The following HIVEP3 variants were observed in gnomAD, a reference collection of about 807,000 sequenced individuals.
HIVEP3 encodes the protein transcription factor HIVEP3.
A neutral mutation model predicts 152.8 loss-of-function variants in HIVEP3; 49 were observed. The observed-to-expected ratio is 0.32, with a 90% CI of 0.26 to 0.41. The LOEUF is 0.41. HIVEP3 is among the 10% of genes least tolerant of loss of function. The pLI, the probability that HIVEP3 is intolerant of heterozygous loss-of-function variation, is 1.00. For synonymous variants in HIVEP3, 1,269 were observed against 1,289.0 expected (o/e 0.98, Z 0.33); for missense variants, 2,790 against 3,103.3 (o/e 0.90, Z 2.40).
chr1:41,737,973 T>C (rs535479393), intron 1 of HIVEP3, among the ~76,000 whole-genome samples: 1 of 152,352 alleles, frequency 6.6e-6, no homozygotes, highest in African/African-American at 2.4e-5. Flanking sequence ...TCTGTGTCAC[T>C]GAAATTCTGA....
chr1:41,585,639 A>C (rs1644493491), intron 3 of HIVEP3, among the ~76,000 whole-genome samples: 1 of 152,186 alleles, frequency 6.6e-6, no homozygotes, highest in South Asian at 2.1e-4. Context: ...TTAGGGACAG[A>C]GGCCTGGGCT....
At chr1:41,529,705 T>C (rs1175521344) in intron 5 of HIVEP3, among the ~76,000 whole-genome samples, 1 of 126,198 alleles carries the variant, frequency 7.9e-6, no homozygotes, top group South Asian at 2.8e-4. Context: ...TGAATACTCA[T>C]ATACCCCATA....
chr1:41,614,361 G>A (rs1644938256), intron 3 of HIVEP3, among the ~76,000 whole-genome samples: 1 of 152,170 alleles, frequency 6.6e-6, no homozygotes, highest in Non-Finnish European at 1.5e-5. Flanking sequence ...CTCAACAGAG[G>A]GTGCAAGTCC....
At chr1:41,994,942 C>T (rs1645387022) in intron 1 of HIVEP3, among the ~76,000 whole-genome samples, 1 of 151,722 alleles carries the variant, frequency 6.6e-6, no homozygotes, top group African/African-American at 2.4e-5. Context: ...AGAGATTACA[C>T]ATTATTAGAG....
chr1:41,874,339 C>T (rs1047021662), intron 1 of HIVEP3, among the ~76,000 whole-genome samples: 2 of 152,152 alleles, frequency 1.3e-5, no homozygotes, highest in African/African-American at 2.4e-5. Flanking sequence ...GAAGATTGCC[C>T]ACTGATTTCC....
intron 1 of HIVEP3, among the ~76,000 whole-genome samples, chr1:41,994,560 C>T (rs1217831960): frequency 1.3e-5 from 2 of 152,130 alleles, no homozygotes; most frequent in South Asian, 2.1e-4. Context: ...TCCCCCATCA[C>T]TCTCTCTATC....
chr1:41,600,129 C>T (rs560316299), intron 3 of HIVEP3, among the ~76,000 whole-genome samples: 1 of 152,248 alleles, frequency 6.6e-6, no homozygotes, highest in South Asian at 2.1e-4. Flanking sequence ...GAATGTAAAA[C>T]GGTGCAGCCT....
intron 1 of HIVEP3, among the ~76,000 whole-genome samples, chr1:42,016,657 A>G (rs1645524841): frequency 6.6e-6 from 1 of 152,138 alleles, no homozygotes; most frequent in South Asian, 2.1e-4. Context: ...TTTAAATGAG[A>G]TCACACTACA....
At chr1:41,676,253 T>C (rs1183356651) in intron 2 of HIVEP3, among the ~76,000 whole-genome samples, 3 of 152,164 alleles carry the variant, frequency 2.0e-5, no homozygotes, top group African/African-American at 4.8e-5. Context: ...GGTTTCACCA[T>C]GGTGGCCAGG....
chr1:41,599,883 C>T (rs182600093), intron 3 of HIVEP3, among the ~76,000 whole-genome samples: 4 of 152,106 alleles, frequency 2.6e-5, no homozygotes, highest in Non-Finnish European at 4.4e-5. Context: ...CCAAGCAAAA[C>T]GATTTTTAAA....
chr1:41,544,748 T>TACCACCTCTACCACCTCTACCACCACG (rs1558045852), intron 5 of HIVEP3, among the ~76,000 whole-genome samples: 1 of 85,128 alleles, frequency 1.2e-5, no homozygotes, highest in Non-Finnish European at 2.4e-5. Context: ...TCACCACCAC[T>TACCACCTCTACCACCTCTACCACCACG]ACCACCACCA....
At chr1:42,026,147 C>T (rs1020435899) in intron 1 of HIVEP3, among the ~76,000 whole-genome samples, 12 of 152,018 alleles carry the variant, frequency 7.9e-5, no homozygotes, top group Admixed American at 7.9e-4. Context: ...TCTTACCCTG[C>T]TCAGTACCAG....
At chr1:41,621,676 C>T (rs1645049510) in intron 3 of HIVEP3, among the ~76,000 whole-genome samples, 1 of 152,208 alleles carries the variant, frequency 6.6e-6, no homozygotes. Context: ...CCACATCTGG[C>T]TAAATTTTTT....
At chr1:41,809,835 C>T (rs939641660) in intron 1 of HIVEP3, among the ~76,000 whole-genome samples, 7 of 152,170 alleles carry the variant, frequency 4.6e-5, no homozygotes, top group East Asian at 1.9e-4. Context: ...GGGGAAGGTC[C>T]CTGAGAATAA....
intron 1 of HIVEP3, among the ~76,000 whole-genome samples, chr1:42,000,378 T>G (rs1192405309): frequency 6.6e-6 from 1 of 151,950 alleles, no homozygotes; most frequent in Non-Finnish European, 1.5e-5. Context: ...CCACTGTAAA[T>G]GGAGGAATGT....
intron 1 of HIVEP3, among the ~76,000 whole-genome samples, chr1:41,938,282 C>A (rs1321625501): frequency 1.3e-5 from 2 of 152,214 alleles, no homozygotes; most frequent in East Asian, 1.9e-4. Context: ...TGTTTAACAT[C>A]TACCTTCTCC....
At chr1:41,849,290 G>C (rs911532771) in intron 1 of HIVEP3, among the ~76,000 whole-genome samples, 1 of 152,168 alleles carries the variant, frequency 6.6e-6, no homozygotes, top group Non-Finnish European at 1.5e-5. Flanking sequence ...CTTCACGACA[G>C]ATGCACGCAG....
At chr1:41,796,533 G>C (rs1404460639) in intron 1 of HIVEP3, among the ~76,000 whole-genome samples, 1 of 152,264 alleles carries the variant, frequency 6.6e-6, no homozygotes, top group Non-Finnish European at 1.5e-5. Context: ...ATTACAGAAG[G>C]CACTCGATTC....
intron 1 of HIVEP3, among the ~76,000 whole-genome samples, chr1:41,948,153 T>G (rs981991394): frequency 6.6e-6 from 1 of 152,218 alleles, no homozygotes; most frequent in Admixed American, 6.5e-5. Flanking sequence ...TGGAAGTTCC[T>G]TCGTAGAAAA....
Sources: gnomAD v4.1 joint callset for allele counts (sites outside exome capture counted in the v4.1 genomes callset) on GRCh38, gnomAD v4.1.1 for gene constraint, MANE v1.5 for transcripts, NCBI Gene and HGNC (gene_info 2026-07-23, HGNC 2026-07-21) for gene names.